The following GTF2I variants were observed in gnomAD, a reference collection of about 807,000 sequenced individuals.
GTF2I encodes the protein general transcription factor IIi.
A neutral mutation model predicts 67.6 loss-of-function variants in GTF2I; 12 were observed. That is an observed-to-expected ratio of 0.18 (90% CI 0.11 to 0.29). GTF2I has a LOEUF of 0.29. Ranked by LOEUF, GTF2I falls within the 10% of genes least tolerant of loss-of-function variation. The pLI is 1.00. For missense variants in GTF2I, 271 were observed against 580.1 expected, an observed-to-expected ratio of 0.47 and a Z score of 5.47; for synonymous variants, 149 against 197.0, an observed-to-expected ratio of 0.76 and a Z score of 2.04.
At chr7:74,689,992 T>C (rs1214621783) in intron 2 of GTF2I, among the ~76,000 whole-genome samples, 1 of 151,998 alleles carries the variant, frequency 6.6e-6, no homozygotes, top group Non-Finnish European at 1.5e-5. Flanking sequence ...GCTGGGATTA[T>C]AGGCTGAGGT....
chr7:74,680,121 T>C (rs1344014603), intron 1 of GTF2I, among the ~76,000 whole-genome samples: 1 of 137,572 alleles, frequency 7.3e-6, no homozygotes, highest in African/African-American at 2.7e-5. Flanking sequence ...TATATATGTA[T>C]GTATGTATGT....
At chr7:74,695,327 C>T (rs375859644) in intron 3 of GTF2I, among the ~76,000 whole-genome samples, 19 of 152,244 alleles carry the variant, frequency 1.2e-4, no homozygotes, top group South Asian at 6.2e-4. Flanking sequence ...CAAGTTCTAC[C>T]GTGGGTGAAA....
At chr7:74,681,772 C>T (rs587685261) in intron 1 of GTF2I, among the ~76,000 whole-genome samples, 32 of 151,984 alleles carry the variant, frequency 2.1e-4, no homozygotes, top group African/African-American at 7.0e-4. Flanking sequence ...ATTAGTCAGA[C>T]GTGGTGGTGC....
At chr7:74,690,817 A>G (rs1554396807) in intron 2 of GTF2I, among the ~76,000 whole-genome samples, 156 bp from the exon 3 acceptor site, 1 of 151,552 alleles carries the variant, frequency 6.6e-6, no homozygotes, top group Non-Finnish European at 1.5e-5. Flanking sequence ...TTTTTTCCTT[A>G]TAAATTCTGT....
chr7:74,704,219 TTTATG>T (rs1554400624), intron 6 of GTF2I, among the ~76,000 whole-genome samples: 1 of 151,926 alleles, frequency 6.6e-6, no homozygotes, highest in East Asian at 1.9e-4. Flanking sequence ...ATTTATCATG[TTTATG>T]TTAAATTTCA....
intron 3 of GTF2I, among the ~76,000 whole-genome samples, chr7:74,697,384 A>G (rs1172906067): frequency 1.3e-5 from 2 of 151,514 alleles, no homozygotes; most frequent in African/African-American, 2.4e-5. Context: ...ACAGAGCAAG[A>G]CTCCGTCTCC....
chr7:74,714,962 A>G (rs782643535), intron 10 of GTF2I, 46 bp downstream of exon 10: 4 of 1,155,482 alleles, frequency 3.5e-6, no homozygotes, highest in Non-Finnish European at 5.1e-6. Flanking sequence ...CTTGTGTTTA[A>G]TGTTTCCTTA....
At chr7:74,707,534 CTTTTATG>C (rs1790901891) in intron 8 of GTF2I, among the ~76,000 whole-genome samples, 2 of 152,128 alleles carry the variant, frequency 1.3e-5, no homozygotes. Flanking sequence ...TGAATGAGAG[CTTTTATG>C]TATGTAAGTG....
chr7:74,669,520 C>T (rs980948291), intron 1 of GTF2I, among the ~76,000 whole-genome samples: 7 of 150,546 alleles, frequency 4.6e-5, no homozygotes, highest in African/African-American at 7.3e-5. Context: ...CGTGAACCAT[C>T]GCTCCCAGCT....
At chr7:74,681,939 G>A (rs587654512) in intron 1 of GTF2I, among the ~76,000 whole-genome samples, 1 of 152,004 alleles carries the variant, frequency 6.6e-6, no homozygotes, top group Non-Finnish European at 1.5e-5. Flanking sequence ...ATGGGAGGAT[G>A]TGATAGTTCT....
intron 1 of GTF2I, among the ~76,000 whole-genome samples, chr7:74,664,395 G>A (rs1458412376): frequency 6.6e-6 from 1 of 152,150 alleles, no homozygotes; most frequent in Admixed American, 6.6e-5. Flanking sequence ...TGTCAGAGTT[G>A]TTGGAGGATT....
chr7:74,659,222 T>G (rs1804247573), intron 1 of GTF2I, among the ~76,000 whole-genome samples: 2 of 151,524 alleles, frequency 1.3e-5, no homozygotes, highest in South Asian at 4.2e-4. Flanking sequence ...CGCTTTCGGC[T>G]TAATTTTCTT....
chr7:74,750,637 G>T (rs1410280125), intron 26 of GTF2I, among the ~76,000 whole-genome samples: 6 of 78,606 alleles, frequency 7.6e-5, no homozygotes, highest in Non-Finnish European at 6.4e-5. Flanking sequence ...ACAGAATCTC[G>T]CTCTGTACCC....
chr7:74,667,001 T>C (rs1169643742), intron 1 of GTF2I, among the ~76,000 whole-genome samples: 3 of 150,018 alleles, frequency 2.0e-5, no homozygotes, highest in African/African-American at 4.9e-5. Context: ...ACAAATTAGC[T>C]AGGCGTGGTG....
intron 1 of GTF2I, among the ~76,000 whole-genome samples, chr7:74,667,956 C>G (rs1805124820): frequency 6.6e-6 from 1 of 151,530 alleles, no homozygotes; most frequent in Non-Finnish European, 1.5e-5. Context: ...GCCTCAGCCT[C>G]TCAAGTAGCT....
chr7:74,685,076 A>G (rs587760856), intron 1 of GTF2I, among the ~76,000 whole-genome samples: 1 of 152,366 alleles, frequency 6.6e-6, no homozygotes, highest in East Asian at 1.9e-4. Context: ...GTGGCCTGCA[A>G]GCAGTCTGAT....
intron 16 of GTF2I, among the ~76,000 whole-genome samples, chr7:74,734,407 A>G (rs1794723632): frequency 6.7e-6 from 1 of 149,484 alleles, no homozygotes; most frequent in African/African-American, 2.5e-5. Context: ...CTTAATTGTT[A>G]GATGTATTTT....
At chr7:74,671,657 A>G (rs1805462387) in intron 1 of GTF2I, among the ~76,000 whole-genome samples, 1 of 152,052 alleles carries the variant, frequency 6.6e-6, no homozygotes, top group Non-Finnish European at 1.5e-5. Context: ...ACAATTTTGT[A>G]TCTTAAAATG....
At chr7:74,724,402 CTATT>C (rs748579314) in intron 12 of GTF2I, among the ~76,000 whole-genome samples, 2 of 152,120 alleles carry the variant, frequency 1.3e-5, no homozygotes, top group African/African-American at 2.4e-5. Context: ...GTAACATAGT[CTATT>C]TATTGATTCA....
Sources: gnomAD v4.1 joint callset for allele counts (sites outside exome capture counted in the v4.1 genomes callset) on GRCh38, gnomAD v4.1.1 for gene constraint, MANE v1.5 for transcripts, NCBI Gene and HGNC (gene_info 2026-07-23, HGNC 2026-07-21) for gene names.